The following APOO variants were observed in gnomAD, a reference collection of about 807,000 sequenced individuals.
The protein encoded by APOO is apolipoprotein O.
Under a neutral mutation model 23.1 loss-of-function variants are expected in APOO, and 11 were observed. The observed-to-expected ratio is 0.48, with a 90% CI of 0.30 to 0.79. APOO has a LOEUF of 0.79. APOO is among the 30% of genes least tolerant of loss of function. The pLI is 0.07. For synonymous variants in APOO, 59 were observed against 54.8 expected (o/e 1.08, Z -0.34); for missense variants, 160 against 142.7 (o/e 1.12, Z -0.62).
chrX:23,872,633 C>T (rs1925672871), intron 4 of APOO, among the ~76,000 whole-genome samples: 1 of 108,167 alleles, frequency 9.2e-6, no homozygotes, highest in Non-Finnish European at 1.9e-5. Context: ...ATAATCACAT[C>T]AGGGTAAATG....
intron 1 of APOO, among the ~76,000 whole-genome samples, chrX:23,886,548 A>T (rs1926373794): frequency 8.9e-6 from 1 of 112,095 alleles, no homozygotes; most frequent in Non-Finnish European, 1.9e-5. Context: ...CTAAGGAGCC[A>T]GCCACACACC....
intron 1 of APOO, among the ~76,000 whole-genome samples, chrX:23,890,436 G>A (rs1439464937): frequency 8.9e-6 from 1 of 112,082 alleles, no homozygotes; most frequent in African/African-American, 3.2e-5. Flanking sequence ...CACGAGAAGA[G>A]CTTCTAGAGT....
intron 5 of APOO, among the ~76,000 whole-genome samples, chrX:23,864,264 G>C (rs1925236956): frequency 1.8e-5 from 2 of 110,510 alleles, no homozygotes; most frequent in Admixed American, 1.9e-4. Context: ...CAAAGTGCTG[G>C]GATTACAGGT....
intron 7 of APOO, among the ~76,000 whole-genome samples, chrX:23,855,288 G>T (rs1006652163): frequency 3.6e-5 from 4 of 109,841 alleles, no homozygotes; most frequent in Non-Finnish European, 7.6e-5. Context: ...GACTCCCAAT[G>T]TGCTGGGCGT....
chrX:23,846,628 C>CA (rs59513332), intron 7 of APOO, among the ~76,000 whole-genome samples: 6,984 of 40,096 alleles, frequency 0.17, 520 homozygotes, highest in Middle Eastern at 0.2. Context: ...GACTCCATCT[C>CA]AAAAAAAAAA....
intron 2 of APOO, among the ~76,000 whole-genome samples, chrX:23,879,775 A>G (rs964873807): frequency 2.7e-5 from 3 of 112,378 alleles, no homozygotes; most frequent in African/African-American, 9.7e-5. Context: ...TGTTAATCAA[A>G]GCAGGACAGC....
At chrX:23,888,911 G>A (rs1926497916) in intron 1 of APOO, among the ~76,000 whole-genome samples, 1 of 104,140 alleles carries the variant, frequency 9.6e-6, no homozygotes, top group East Asian at 3.0e-4. Context: ...AGGCTGAAGT[G>A]GGAGGATCAC....
intron 5 of APOO, among the ~76,000 whole-genome samples, chrX:23,861,809 T>C (rs1925054290): frequency 9.8e-6 from 1 of 101,862 alleles, no homozygotes. Context: ...TTTTTTTTTT[T>C]TTTTTTTTTC....
chrX:23,848,458 C>T (rs913920218), intron 7 of APOO, among the ~76,000 whole-genome samples: 23 of 111,766 alleles, frequency 2.1e-4, no homozygotes, highest in African/African-American at 7.5e-4. Flanking sequence ...GCCACCGTGC[C>T]TGGCCATTAT....
At chrX:23,850,340 CTT>C (rs950450501) in intron 7 of APOO, among the ~76,000 whole-genome samples, 2 of 111,887 alleles carry the variant, frequency 1.8e-5, no homozygotes, top group East Asian at 5.6e-4. Flanking sequence ...ATGAAAAACT[CTT>C]TTAAAGCCAT....
chrX:23,834,941 T>C (rs921234538), intron 8 of APOO, among the ~76,000 whole-genome samples: 1 of 109,661 alleles, frequency 9.1e-6, no homozygotes, highest in Non-Finnish European at 1.9e-5. Flanking sequence ...CAGGCTGGTC[T>C]CGAACTCCTG....
At chrX:23,880,999 T>A in intron 1 of APOO, 47 bp from the exon 2 acceptor site, 10 of 908,914 alleles carry the variant, frequency 1.1e-5, no homozygotes, top group Non-Finnish European at 1.5e-5. Context: ...ACAGACCGAA[T>A]GTGCAGAACA....
intron 1 of APOO, among the ~76,000 whole-genome samples, chrX:23,895,937 T>TA (rs1338978873): frequency 9.1e-6 from 1 of 109,656 alleles, no homozygotes; most frequent in East Asian, 2.8e-4. Flanking sequence ...GAAAATGTCA[T>TA]ACCAAGGGTA....
intron 8 of APOO, among the ~76,000 whole-genome samples, chrX:23,838,676 C>T (rs1052413261): frequency 9.0e-5 from 10 of 110,517 alleles, no homozygotes; most frequent in African/African-American, 3.3e-4. Flanking sequence ...CCTTGGCCTC[C>T]CAAAGTGCTG....
intron 7 of APOO, among the ~76,000 whole-genome samples, chrX:23,853,749 C>G (rs1924657149): frequency 9.1e-6 from 1 of 110,436 alleles, no homozygotes; most frequent in Admixed American, 9.8e-5. Flanking sequence ...CCTCAGCCTC[C>G]CAAGTAGATG....
intron 7 of APOO, among the ~76,000 whole-genome samples, chrX:23,849,609 A>AAAAAAAAAAAAAG (rs1311653969): frequency 1.2e-4 from 11 of 94,469 alleles, no homozygotes; most frequent in African/African-American, 4.1e-4. Flanking sequence ...AAAAAAAAAA[A>AAAAAAAAAAAAAG]GTTCGGGCAT....
chrX:23,856,283 T>G lies in APOO; in HGVS notation c.561+19A>C. 1 of 1,192,272 alleles carries G rather than the reference T, an allele frequency of 8.4e-7. No homozygotes were observed. The highest frequency in any genetic ancestry group is 1.1e-6 in the Non-Finnish European group (1 of 881,232). ...CATATTTAAACCAAAAGGAAGATAA[T>G]GAAAAAGATGCTCCTCACCTTTTGA... On this transcript the variant is annotated intron_variant, in intron 7 of 8. Transcript: ENST00000379226.
intron 8 of APOO, 80 bp downstream of exon 8, chrX:23,840,228 TAATTA>T (rs982678172): frequency 9.2e-5 from 48 of 520,110 alleles, no homozygotes; most frequent in Non-Finnish European, 1.2e-4. Flanking sequence ...CTGTTATAAT[TAATTA>T]AATTAAATTA....
intron 1 of APOO, among the ~76,000 whole-genome samples, chrX:23,897,047 G>T (rs1041807057): frequency 1.5e-4 from 17 of 111,369 alleles, no homozygotes; most frequent in Non-Finnish European, 2.4e-4. Flanking sequence ...ACAGTAATTG[G>T]TATTTCCTAG....
Sources: gnomAD v4.1 joint callset for allele counts (sites outside exome capture counted in the v4.1 genomes callset) on GRCh38, gnomAD v4.1.1 for gene constraint, MANE v1.5 for transcripts, NCBI Gene and HGNC (gene_info 2026-07-23, HGNC 2026-07-21) for gene names.